SRD5A3: variants seen among roughly 807,000 people sequenced by gnomAD.
The protein encoded by SRD5A3 is steroid 5 alpha-reductase 3.
A neutral mutation model predicts 34.3 loss-of-function variants in SRD5A3; 24 were observed. The observed-to-expected ratio is 0.70, with a 90% confidence interval of 0.51 to 0.99. The LOEUF (loss-of-function observed/expected upper bound fraction) is 0.99. Among genes scored for constraint, SRD5A3 ranks in the 50% least tolerant of loss-of-function variants. SRD5A3 has a pLI of 0.00. For synonymous variants in SRD5A3, 161 were observed against 167.3 expected, an observed-to-expected ratio of 0.96 and a Z score of 0.29; for missense variants, 350 against 388.2, an observed-to-expected ratio of 0.90 and a Z score of 0.83.
intron 1 of SRD5A3, among the ~76,000 whole-genome samples, chr4:55,349,859 T>C (rs1227590955): frequency 6.6e-6 from 1 of 152,204 alleles, no homozygotes; most frequent in Non-Finnish European, 1.5e-5. Flanking sequence ...AAGTTATGTC[T>C]TTATTTTCAC....
chr4:55,370,333 T>C lies in SRD5A3; in HGVS notation c.*242T>C, dbSNP rs559061546. The C allele has an allele frequency of 4.2e-4, 243 of 572,230 alleles. No individual in the cohort carries two copies. Among genetic ancestry groups the C allele is most frequent in the African/African-American group, 4.2e-3 (225 of 53,292 alleles). 35.4% of individuals were successfully genotyped at this position (572,230 alleles called of 1,614,324 possible). A position where few individuals can be genotyped will look rare whatever the true frequency, so the allele number is the denominator to read the frequency against. On this transcript the variant is annotated 3_prime_UTR_variant, in exon 5 of 5. Transcript: ENST00000264228. The stretch of plus-strand genomic sequence containing the variant: ...CGATTTCTGGGTCCACTTTCTGAGA[T>C]GCTTTCTAAAACCAACCAACTGATA...
chr4:55,360,362 T>C (rs1050128866), intron 2 of SRD5A3, among the ~76,000 whole-genome samples: 70 of 151,642 alleles, frequency 4.6e-4, no homozygotes, highest in African/African-American at 1.5e-3. Context: ...CAAAAATAGC[T>C]GGGTGTGGTG....
chr4:55,346,350 C>A lies in SRD5A3; in HGVS notation c.14C>A (p.Ala5Glu). MAPWAEAEHSALNPL... is the reference protein window; with the variant it reads MAPWEEAEHSALNPL... ...GGCACGCGGGCCATGGCTCCCTGGG[C>A]GGAGGCCGAGCACTCGGCGCTGAAC... The change falls in exon 1 of 5, where the codon GCG (alanine) becomes GAG (glutamate). Residue 5 changes from alanine (A) to glutamate (E), a missense_variant. Coordinates refer to ENST00000264228, the MANE Select transcript of SRD5A3 (RefSeq NM_024592.5). The A allele has an allele frequency of 6.6e-7, 1 of 1,513,702 alleles. No homozygotes were observed. Among genetic ancestry groups the A allele is most frequent in the Non-Finnish European group, 8.8e-7 (1 of 1,132,656 alleles). 93.8% of individuals were successfully genotyped at this position (1,513,702 alleles called of 1,614,324 possible). A position where few individuals can be genotyped will look rare whatever the true frequency, so the allele number is the denominator to read the frequency against.
At position 55,370,452 on chromosome 4, in the gene SRD5A3, CA is replaced by C; in HGVS notation, c.*362del. ...AGCTTCACACACACACACACACACA[CA>C]CACACACACACACACACACAAAGGA... On this transcript the variant is annotated 3_prime_UTR_variant, in exon 5 of 5. Transcript: ENST00000264228. 3.2e-6 allele frequency: 1 copy of C among 312,094 alleles called. No individual in the cohort carries two copies. The highest frequency in any genetic ancestry group is 6.0e-6 in the Non-Finnish European group (1 of 166,660). The allele number at this position is 312,094 out of a possible 1,614,324, so 19.3% of individuals were successfully genotyped here.
At chr4:55,363,028 G>C (rs1434302107) in intron 2 of SRD5A3, among the ~76,000 whole-genome samples, 1 of 149,458 alleles carries the variant, frequency 6.7e-6, no homozygotes, top group Non-Finnish European at 1.5e-5. Context: ...TGTATTTTTA[G>C]TAGAGACAGG....
intron 1 of SRD5A3, among the ~76,000 whole-genome samples, chr4:55,356,328 A>G (rs1719459989): frequency 6.6e-6 from 1 of 151,566 alleles, no homozygotes; most frequent in Admixed American, 6.6e-5. Context: ...GCCTTTTAAA[A>G]TGTTTTTATT....
chr4:55,356,605 G>T (rs947380900), intron 1 of SRD5A3, among the ~76,000 whole-genome samples: 1 of 151,912 alleles, frequency 6.6e-6, no homozygotes, highest in Admixed American at 6.6e-5. Context: ...GGAACTACAG[G>T]CATGCATCAT....
intron 1 of SRD5A3, among the ~76,000 whole-genome samples, chr4:55,353,606 T>C (rs1239759098): frequency 6.6e-6 from 1 of 152,218 alleles, no homozygotes; most frequent in Non-Finnish European, 1.5e-5. Flanking sequence ...GCTCACTCTT[T>C]GGGTCTGCAC....
chr4:55,364,743 G>T, intron 3 of SRD5A3: 1 of 193,084 alleles, frequency 5.2e-6, no homozygotes, highest in Non-Finnish European at 1.1e-5. Context: ...AATGAGGGAA[G>T]GGAGAGTGCT....
At chr4:55,359,298 TGAA>T in intron 1 of SRD5A3, 45 bp from the exon 2 acceptor site, 1 of 1,611,356 alleles carries the variant, frequency 6.2e-7, no homozygotes, top group Non-Finnish European at 8.5e-7. Flanking sequence ...TATAAGAGCT[TGAA>T]GTGGATCTAC....
At chr4:55,365,582 A>C (rs1299420400) in intron 3 of SRD5A3, 1 of 152,230 alleles carries the variant, frequency 6.6e-6, no homozygotes, top group Non-Finnish European at 1.5e-5. Context: ...GCTAGCTTTT[A>C]GCGTGTTCTT....
intron 1 of SRD5A3, among the ~76,000 whole-genome samples, chr4:55,358,404 T>C (rs13133010): frequency 0.17 from 26,560 of 151,776 alleles, 2,712 homozygotes; most frequent in South Asian, 0.24. Flanking sequence ...GGTGGACTAC[T>C]ACAAGCCTGT....
chr4:55,346,438 C>G lies in SRD5A3; in HGVS notation c.102C>G (p.Leu34=). The G allele has an allele frequency of 6.2e-7, 1 of 1,605,734 alleles. No individual in the cohort carries two copies. The highest frequency in any genetic ancestry group is 1.1e-5 in the South Asian group (1 of 90,022). ...AAFLLTLLLQ[L]LPPGLLPGCA... ...TCCTGCTGACCCTACTGCTGCAGCT[C>G]CTGCCGCCCGGCCTGCTCCCGGGCT... The change falls in exon 1 of 5, where the codon CTC becomes CTG. Residue 34 remains leucine, a synonymous_variant. Transcript: ENST00000264228.
rs1720163393 is a variant in SRD5A3 at position 55,372,479 on chromosome 4, T to TGTTCA, written c.*2389_*2390insTTCAG. 1 of 152,186 alleles carries TGTTCA rather than the reference T, an allele frequency of 6.6e-6. No homozygotes were observed. The highest frequency in any genetic ancestry group is 1.9e-4 in the East Asian group (1 of 5,198). The allele number at this position is 152,186 out of a possible 1,614,324, so 9.4% of individuals were successfully genotyped here. On this transcript the variant is annotated 3_prime_UTR_variant, in exon 5 of 5. Transcript: ENST00000264228. Reference sequence around the variant, plus strand: ...GATAAGAGAGGAGATAGTGATGTCCTGAAAGGGGTTCAGAACAACGTAGCA... The same window carrying TGTTCA: ...GATAAGAGAGGAGATAGTGATGTCCTGTTCAGAAAGGGGTTCAGAACAACGTAGCA...
intron 1 of SRD5A3, among the ~76,000 whole-genome samples, chr4:55,351,161 C>T (rs1017621900): frequency 4.9e-4 from 75 of 151,972 alleles, no homozygotes; most frequent in African/African-American, 1.7e-3. Flanking sequence ...CAACCTCCAC[C>T]TCCCGGGTTC....
At chr4:55,352,323 T>G (rs1211200116) in intron 1 of SRD5A3, 2 of 795,568 alleles carry the variant, frequency 2.5e-6, no homozygotes, top group Non-Finnish European at 4.6e-6. Flanking sequence ...AGGTTTTAAT[T>G]TATCCTTTTC....
At chr4:55,355,577 G>A (rs10002545) in intron 1 of SRD5A3, among the ~76,000 whole-genome samples, 152,195 of 152,352 alleles carry the variant, frequency 1, 76,019 homozygotes, top group Non-Finnish European at 1. Context: ...CAAGTAGAGC[G>A]CAGCACGGTG....
chr4:55,352,213 G>A, intron 1 of SRD5A3: 2 of 972,484 alleles, frequency 2.1e-6, no homozygotes, highest in Non-Finnish European at 1.7e-6. Context: ...ATGTGGTAAG[G>A]TGGGCCCAGC....
chr4:55,346,393 G>A lies in SRD5A3; in HGVS notation c.57G>A (p.Trp19Ter), dbSNP rs398124401. The A allele has an allele frequency of 6.0e-5, 95 of 1,584,474 alleles. No homozygotes were observed. In the South Asian group the frequency reaches 9.5e-4, roughly 16 times the overall value. Residue 19 changes from tryptophan (W) to a stop codon, truncating the protein, a stop_gained, in exon 1 of 5, where the codon TGG (tryptophan) becomes TGA (stop). Transcript: ENST00000264228. LOFTEE classifies it high-confidence loss of function. ...HSALNPLRAV[W>*]LTLTAAFLLT... ...CGCTGAACCCGCTGCGCGCGGTGTG[G>A]CTCACGCTGACCGCCGCCTTCCTGC...
Sources: allele counts gnomAD v4.1 joint callset (sites outside exome capture counted in the v4.1 genomes callset), GRCh38; gene constraint gnomAD v4.1.1; transcripts MANE v1.5; gene names NCBI Gene and HGNC (gene_info 2026-07-23, HGNC 2026-07-21).